KDM6A: variants seen among roughly 807,000 people sequenced by gnomAD.
The protein encoded by KDM6A is lysine demethylase 6A.
KDM6A carries 11 observed loss-of-function variants against 117.6 expected under a neutral mutation model. The observed-to-expected ratio is 0.09, with a 90% CI of 0.06 to 0.15. The LOEUF is 0.15. Ranked by LOEUF, KDM6A falls within the 10% of genes least tolerant of loss-of-function variation. KDM6A has a pLI of 1.00. For missense variants in KDM6A, 799 were observed against 1,077.3 expected (o/e 0.74, Z 3.62); for synonymous variants, 384 against 396.1 (o/e 0.97, Z 0.36).
chrX:44,913,777 T>C (rs2035374038), intron 2 of KDM6A, among the ~76,000 whole-genome samples: 1 of 110,845 alleles, frequency 9.0e-6, no homozygotes, highest in Non-Finnish European at 1.9e-5. Context: ...CACACACACA[T>C]ATATTCCATA....
chrX:44,886,185 G>A (rs1005010899), intron 2 of KDM6A, among the ~76,000 whole-genome samples: 1 of 108,805 alleles, frequency 9.2e-6, no homozygotes, highest in Non-Finnish European at 1.9e-5. Context: ...AGCCTCCCGA[G>A]TAGCTGAGAT....
intron 25 of KDM6A, 57 bp downstream of exon 25, chrX:45,086,036 C>T (rs2045624241): frequency 8.8e-6 from 6 of 678,031 alleles, no homozygotes; most frequent in African/African-American, 2.2e-5. Context: ...TAATTGTAAA[C>T]GACAACTTAC....
chrX:45,043,350 A>T (rs940412206), intron 8 of KDM6A, among the ~76,000 whole-genome samples: 24 of 111,855 alleles, frequency 2.1e-4, no homozygotes, highest in African/African-American at 5.5e-4. Flanking sequence ...GATTAAAAAA[A>T]TTTTTTTGTT....
At chrX:44,933,621 A>G (rs919502442) in intron 2 of KDM6A, among the ~76,000 whole-genome samples, 2 of 109,171 alleles carry the variant, frequency 1.8e-5, no homozygotes, top group Non-Finnish European at 3.8e-5. Flanking sequence ...TCTGTCGCCC[A>G]GGCTGGAGTC....
At chrX:45,021,597 A>T (rs1424483309) in intron 6 of KDM6A, among the ~76,000 whole-genome samples, 4 of 111,602 alleles carry the variant, frequency 3.6e-5, no homozygotes, top group Admixed American at 1.9e-4. Flanking sequence ...GGTTAAAAAT[A>T]AAAAAAACTG....
intron 8 of KDM6A, among the ~76,000 whole-genome samples, chrX:45,047,664 C>CTT (rs755668460): frequency 3.7e-5 from 1 of 27,209 alleles, no homozygotes; most frequent in Non-Finnish European, 8.2e-5. Context: ...TATCTGCTTG[C>CTT]TTTTTTTTTC....
intron 2 of KDM6A, among the ~76,000 whole-genome samples, chrX:44,886,374 T>C (rs530573163): frequency 2.3e-4 from 26 of 111,386 alleles, no homozygotes; most frequent in African/African-American, 8.5e-4. Flanking sequence ...TTGGAAGAAT[T>C]GGCAAATTTT....
At chrX:45,049,747 A>C (rs887332422) in intron 8 of KDM6A, among the ~76,000 whole-genome samples, 8 of 111,930 alleles carry the variant, frequency 7.1e-5, no homozygotes, top group Non-Finnish European at 1.3e-4. Flanking sequence ...TAGTCTTTGC[A>C]TTTTCTGTCC....
At chrX:45,008,298 C>T (rs1345579090) in intron 4 of KDM6A, among the ~76,000 whole-genome samples, 3 of 110,831 alleles carry the variant, frequency 2.7e-5, no homozygotes, top group South Asian at 7.7e-4. Context: ...GGCGTGAACC[C>T]GGGAGGTGGA....
chrX:44,997,595 G>A (rs2147462366), intron 4 of KDM6A, among the ~76,000 whole-genome samples: 1 of 111,585 alleles, frequency 9.0e-6, no homozygotes, highest in Non-Finnish European at 1.9e-5. Flanking sequence ...TCTTCACTTA[G>A]GTCTGAGGGG....
chrX:44,937,165 A>G (rs2037018619), intron 2 of KDM6A, among the ~76,000 whole-genome samples: 1 of 109,868 alleles, frequency 9.1e-6, no homozygotes, highest in African/African-American at 3.3e-5. Context: ...TTTATGTTTT[A>G]GATTTTGTAG....
At chrX:45,033,076 G>A (rs193026953) in intron 6 of KDM6A, among the ~76,000 whole-genome samples, 1 of 111,706 alleles carries the variant, frequency 9.0e-6, no homozygotes, top group East Asian at 2.8e-4. Flanking sequence ...ACCCTTTGAT[G>A]GCTCAGTTAG....
At chrX:44,895,155 G>C (rs2033727325) in intron 2 of KDM6A, among the ~76,000 whole-genome samples, 1 of 107,168 alleles carries the variant, frequency 9.3e-6, no homozygotes, top group Non-Finnish European at 1.9e-5. Context: ...GCCCAGGCTG[G>C]AGTGCAGTGG....
intron 3 of KDM6A, among the ~76,000 whole-genome samples, chrX:44,961,872 T>A (rs1602356310): frequency 8.9e-6 from 1 of 111,973 alleles, no homozygotes; most frequent in Non-Finnish European, 1.9e-5. Flanking sequence ...AAAATTTACT[T>A]GAAATGTTTT....
intron 2 of KDM6A, among the ~76,000 whole-genome samples, chrX:44,875,213 C>T (rs1207006121): frequency 8.9e-6 from 1 of 112,290 alleles, no homozygotes; most frequent in Non-Finnish European, 1.9e-5. Flanking sequence ...GCAGTTGAGA[C>T]GCAAGTTTGA....
At chrX:44,976,390 C>T (rs760453343) in intron 4 of KDM6A, among the ~76,000 whole-genome samples, 1 of 110,686 alleles carries the variant, frequency 9.0e-6, no homozygotes, top group African/African-American at 3.3e-5. Flanking sequence ...ATATAGTCAC[C>T]CCTCAGTATC....
At chrX:45,056,044 T>C (rs1213259816) in intron 10 of KDM6A, among the ~76,000 whole-genome samples, 1 of 111,418 alleles carries the variant, frequency 9.0e-6, no homozygotes, top group Admixed American at 9.6e-5. Context: ...TTTTACATTG[T>C]AAAACATTAT....
chrX:45,032,020 A>G (rs898930812), intron 6 of KDM6A, among the ~76,000 whole-genome samples: 2 of 111,144 alleles, frequency 1.8e-5, no homozygotes, highest in Admixed American at 1.9e-4. Flanking sequence ...TAAAAAGAAA[A>G]TCTCTATAAC....
At chrX:45,079,550 T>G (rs1465627198) in intron 21 of KDM6A, among the ~76,000 whole-genome samples, 199 bp downstream of exon 21, 1 of 111,555 alleles carries the variant, frequency 9.0e-6, no homozygotes, top group African/African-American at 3.3e-5. Context: ...TGTACGTACG[T>G]ATGTGTATTT....
Sources: allele counts gnomAD v4.1 joint callset (sites outside exome capture counted in the v4.1 genomes callset), GRCh38; gene constraint gnomAD v4.1.1; transcripts MANE v1.5; gene names NCBI Gene and HGNC (gene_info 2026-07-23, HGNC 2026-07-21).